Variants in ASTL observed in about 807,000 individuals in gnomAD.
ASTL encodes astacin like metalloendopeptidase.
In ASTL, 27 loss-of-function variants were observed where a neutral mutation model predicts 36.7. The observed-to-expected ratio is 0.73, with a 90% CI of 0.54 to 1.01. The LOEUF is 1.01. Ranked by LOEUF, ASTL falls within the 50% of genes least tolerant of loss-of-function variation. The probability of loss-of-function intolerance (pLI) is 0.00; values close to 1 mark genes in which losing one functional copy is unlikely to be tolerated. For missense variants in ASTL, 524 were observed against 572.8 expected (o/e 0.91, Z 0.87); for synonymous variants, 222 against 228.1 (o/e 0.97, Z 0.24).
At chr2:96,125,782 A>G (rs1206495834) in intron 8 of ASTL, among the ~76,000 whole-genome samples, 3 of 152,144 alleles carry the variant, frequency 2.0e-5, no homozygotes, top group African/African-American at 7.2e-5. Flanking sequence ...GTCTCTACTA[A>G]AAATACAAAA....
rs978059507 is a variant in ASTL, at chr2:96,137,673, G to C, written c.83C>G (p.Ser28Cys). Residue 28 changes from serine (S) to cysteine (C), a missense_variant, in exon 2 of 9, where the codon TCC (serine) becomes TGC (cysteine). By Grantham distance (112) the Ser-to-Cys change is moderately radical. Transcript: ENST00000342380. The stretch of plus-strand genomic sequence containing the variant: ...GGTACCACAGGCTCCTGCGCAGCTG[G>C]AGGCCAGGGGCGCTCCTAGGATCAC... Reference protein sequence around the residue: ...PGVILGAPLASSCAGACGTSF... With the variant: ...PGVILGAPLACSCAGACGTSF... 7 of 1,613,492 alleles carry C rather than the reference G, an allele frequency of 4.3e-6. No individual in the cohort carries two copies. Among genetic ancestry groups the C allele is most frequent in the Middle Eastern group, 1.6e-4 (1 of 6,078 alleles).
At position 96,131,165 on chromosome 2, in the gene ASTL, C is replaced by T. The variant is rs1372195599; in HGVS notation, c.638-1020G>A. Among the ~76,000 whole-genome samples the T allele has an allele frequency of 2.6e-5, 4 of 152,142 alleles. No individual in the cohort carries two copies. The South Asian group carries it at 8.3e-4, about 32-fold the overall frequency. The stretch of plus-strand genomic sequence containing the variant: ...TTTCTGCTTTTACCTTTTGAAATTC[C>T]CTCCTGCTTTCATTTAACTTGGGTT... On this transcript the variant is annotated intron_variant, in intron 6 of 8. Transcript: ENST00000342380.
chr2:96,123,474 G>A lies in ASTL; in HGVS notation c.*376C>T, dbSNP rs1681997686. ...GGTAGGGACACCATTAGTCCATGCT[G>A]GGGGGCAGGGCCTCAGGCACAGGAG... is the stretch of plus-strand genomic sequence containing the variant. On this transcript the variant is annotated 3_prime_UTR_variant, in exon 9 of 9. Transcript: ENST00000342380. 6.6e-6 allele frequency among the ~76,000 whole-genome samples: 1 copy of A among 152,178 alleles called. No individual in the cohort carries two copies. Among genetic ancestry groups the A allele is most frequent in the African/African-American group, 2.4e-5 (1 of 41,434 alleles).
Position 96,124,257 on chromosome 2 carries a change from T to A in ASTL, c.889A>T (p.Ser297Cys), listed in dbSNP as rs1176626886. The A allele has an allele frequency of 1.3e-6, 2 of 1,511,596 alleles. No individual in the cohort carries two copies. Among genetic ancestry groups the A allele is most frequent in the Non-Finnish European group, 1.8e-6 (2 of 1,131,544 alleles). 93.6% of individuals were successfully genotyped at this position (1,511,596 alleles called of 1,614,324 possible). ...GCCGGAGCGGGGCTCCTACCAGTGC[T>A]GTGGGCATGGGACCCTGCAACAGAA... ...RPRGRGSHAHSTGRSPAPASL... is the reference protein window; with the variant it reads ...RPRGRGSHAHCTGRSPAPASL... The change falls in exon 9 of 9, where the codon AGC (serine) becomes TGC (cysteine). Residue 297 changes from serine (S) to cysteine (C), a missense_variant. Physicochemically the swap from Ser to Cys is moderately radical, Grantham distance 112 (BLOSUM62 -1). Transcript: ENST00000342380. This position sits in a 1 kb window ranked among gnomAD's most constrained non-coding sequence, Gnocchi z 4.1.
intron 8 of ASTL, among the ~76,000 whole-genome samples, chr2:96,125,501 C>T (rs563258923): frequency 1.3e-5 from 2 of 152,222 alleles, no homozygotes; most frequent in East Asian, 1.9e-4. Context: ...CCTTTCTCCC[C>T]GCTATATCCA....
Position 96,138,419 on chromosome 2 carries a change from A to G in ASTL, c.18T>C (p.Gly6=), listed in dbSNP as rs1363062795. Residue 6 remains glycine (G), a synonymous_variant, in exon 1 of 9, where the codon GGT becomes GGC. Transcript: ENST00000342380. The part of the protein sequence containing the change: MEGVG[G]LWPWVLGLLS... Reference sequence around the variant, plus strand: ...GCAGACCCAGCACCCAAGGCCAGAGACCCCCTACACCCTCCATGGTAGAGC... The same window carrying G: ...GCAGACCCAGCACCCAAGGCCAGAGGCCCCCTACACCCTCCATGGTAGAGC... 3 of 1,610,152 alleles carry G rather than the reference A, an allele frequency of 1.9e-6. No homozygotes were observed. The South Asian group carries it at 3.3e-5, about 18-fold the overall frequency.
rs1275722272 is a variant in ASTL, at chr2:96,132,852, A to C, written c.456-131T>G. On this transcript the variant is annotated intron_variant, in intron 5 of 8. Transcript: ENST00000342380. The surrounding 1 kb of genome is among the most constrained non-coding windows in gnomAD (Gnocchi z 5.4). The stretch of plus-strand genomic sequence containing the variant: ...ACAGGCAGGCCCCACTCTGGGCTCT[A>C]GTCTCAGGTTCACCATTCTCCAGGC... The C allele has an allele frequency of 6.2e-6, 5 of 801,934 alleles. No individual in the cohort carries two copies. The Admixed American group carries it at 9.0e-5, about 14-fold the overall frequency. The allele number at this position is 801,934 out of a possible 1,614,324, so 49.7% of individuals were successfully genotyped here.
chr2:96,132,796 C>T lies in ASTL; in HGVS notation c.456-75G>A. On this transcript the variant is annotated intron_variant, in intron 5 of 8. Transcript: ENST00000342380. The surrounding 1 kb of genome is among the most constrained non-coding windows in gnomAD (Gnocchi z 5.4). ...GGACATACAGACCTGGGCTCTCCCT[C>T]CCCACACAACACAAGATAGACAAAC... 2 of 1,366,140 alleles carry T rather than the reference C, an allele frequency of 1.5e-6. No individual in the cohort carries two copies. Among genetic ancestry groups the T allele is most frequent in the Non-Finnish European group, 2.0e-6 (2 of 994,984 alleles). 84.6% of individuals were successfully genotyped at this position (1,366,140 alleles called of 1,614,324 possible).
chr2:96,129,782 G>A lies in ASTL; in HGVS notation c.874+42C>T, dbSNP rs778636456. 44 of 1,501,942 alleles carry A rather than the reference G, an allele frequency of 2.9e-5. 1 individual carries two copies. Among genetic ancestry groups the A allele is most frequent in the Admixed American group, 1.8e-4 (8 of 44,574 alleles). 93.0% of individuals were successfully genotyped at this position (1,501,942 alleles called of 1,614,324 possible). ...TCCCTGACACCATTAGAGCACAGGC[G>A]CCTTCTCCAGGTTCAAGTCACCTTC... On this transcript the variant is annotated intron_variant, in intron 8 of 8. Coordinates refer to ENST00000342380, the MANE Select transcript of ASTL (RefSeq NM_001002036.4).
intron 2 of ASTL, among the ~76,000 whole-genome samples, 189 bp downstream of exon 2, chr2:96,137,386 C>T (rs1682323314): frequency 6.6e-6 from 1 of 152,206 alleles, no homozygotes; most frequent in Non-Finnish European, 1.5e-5. Flanking sequence ...AGGAAGATCA[C>T]TTAAGGCCAG....
Position 96,123,393 on chromosome 2 carries a change from G to A in ASTL, c.*457C>T, listed in dbSNP as rs1681996488. Among the ~76,000 whole-genome samples, 1 of 152,224 alleles carries A rather than the reference G, an allele frequency of 6.6e-6. No homozygotes were observed. Among genetic ancestry groups the A allele is most frequent in the Non-Finnish European group, 1.5e-5 (1 of 68,034 alleles). ...ACATTCCCCCACACTTGGGCATGTTGGGTGGGATGGGAGGCTGTTCCCAGG... is the reference window on the plus strand; with the variant it reads ...ACATTCCCCCACACTTGGGCATGTTAGGTGGGATGGGAGGCTGTTCCCAGG... On this transcript the variant is annotated 3_prime_UTR_variant, in exon 9 of 9. Coordinates refer to ENST00000342380, the MANE Select transcript of ASTL (RefSeq NM_001002036.4).
chr2:96,138,539 G>A (rs1682355370), upstream of ASTL: 3 of 988,898 alleles, frequency 3.0e-6, no homozygotes, highest in South Asian at 4.2e-5. Context: ...AATAGCAGCT[G>A]CTCCACCTCC....
At chr2:96,134,203 G>A in intron 3 of ASTL, 145 bp from the exon 4 acceptor site, 1 of 661,936 alleles carries the variant, frequency 1.5e-6, no homozygotes, top group African/African-American at 1.8e-5. Context: ...CATTAGAGAT[G>A]GGACAGAGCT....
intron 6 of ASTL, among the ~76,000 whole-genome samples, chr2:96,130,792 C>T (rs1682162990): frequency 6.6e-6 from 1 of 152,344 alleles, no homozygotes; most frequent in East Asian, 1.9e-4. Context: ...CACCTTCATA[C>T]CCCACCACCT....
At position 96,134,053 on chromosome 2, in the gene ASTL, G is replaced by A. The variant is rs1325269742; in HGVS notation, c.249C>T (p.Pro83=). The A allele has an allele frequency of 1.9e-6, 3 of 1,612,536 alleles. No individual in the cohort carries two copies. The highest frequency in any genetic ancestry group is 3.3e-5 in the Admixed American group (2 of 60,004). Residue 83 remains proline (P), a synonymous_variant, in exon 4 of 9, where the codon CCC becomes CCT. Coordinates refer to ENST00000342380, the MANE Select transcript of ASTL (RefSeq NM_001002036.4). ...TGCTGGTTGCTGACAGCAGTCGGAA[G>A]GGACTCTGAGGAGAGAGCAGCAGTT... is the stretch of plus-strand genomic sequence containing the variant. ...LIEGDIIRPS[P]FRLLSATSNK... is the part of the protein sequence containing the mutation.
chr2:96,138,361 A>AG (rs781440293), intron 1 of ASTL, 21 bp downstream of exon 1: 123 of 1,599,436 alleles, frequency 7.7e-5, no homozygotes, highest in Non-Finnish European at 1.0e-4. Context: ...CAGCAGCAGG[A>AG]GGGACAGGCA....
In ASTL at chr2:96,137,676, G is replaced by T. The variant is rs753476623; in HGVS notation, c.80C>A (p.Ala27Asp). 1.9e-6 allele frequency: 3 copies of T among 1,613,334 alleles called. No individual in the cohort carries two copies. In the South Asian group the frequency reaches 3.3e-5, roughly 18 times the overall value. The stretch of plus-strand genomic sequence containing the variant: ...ACCACAGGCTCCTGCGCAGCTGGAG[G>T]CCAGGGGCGCTCCTAGGATCACACC... Reference protein sequence around the residue: ...LPGVILGAPLASSCAGACGTS... With the variant: ...LPGVILGAPLDSSCAGACGTS... Residue 27 changes from alanine to aspartate, a missense_variant, in exon 2 of 9, where the codon GCC becomes GAC. Coordinates refer to ENST00000342380, the MANE Select transcript of ASTL (RefSeq NM_001002036.4).
At position 96,126,834 on chromosome 2, in the gene ASTL, C is replaced by T. The variant is rs149117837; in HGVS notation, c.875-2563G>A. Among the ~76,000 whole-genome samples the T allele has an allele frequency of 3.9e-4, 59 of 149,580 alleles. No individual in the cohort carries two copies. The East Asian group carries it at 9.4e-3, about 24-fold the overall frequency. The stretch of plus-strand genomic sequence containing the variant: ...TTGCATCATTGCACTCCAGCCTGGG[C>T]GACAGAGTGAGACTCCATCTCAAAA... On this transcript the variant is annotated intron_variant, in intron 8 of 8. Coordinates refer to ENST00000342380, the MANE Select transcript of ASTL (RefSeq NM_001002036.4).
In ASTL at chr2:96,132,583, G is replaced by A; in HGVS notation, c.594C>T (p.Asp198=). The part of the protein sequence containing the change: ...LGFWHEHTRA[D]RDRYIRVNWN... ...AGTTGACACGGATATAGCGGTCCCGGTCGGCCCGCGTGTGCTCGTGCCAGA... is the reference window on the plus strand; with the variant it reads ...AGTTGACACGGATATAGCGGTCCCGATCGGCCCGCGTGTGCTCGTGCCAGA... The change falls in exon 6 of 9, where the codon GAC becomes GAT. Residue 198 remains aspartate (D), a synonymous_variant. Transcript: ENST00000342380. This position sits in a 1 kb window ranked among gnomAD's most constrained non-coding sequence, Gnocchi z 5.4. 1 of 1,611,740 alleles carries A rather than the reference G, an allele frequency of 6.2e-7. No homozygotes were observed. Among genetic ancestry groups the A allele is most frequent in the Non-Finnish European group, 8.5e-7 (1 of 1,178,316 alleles).
Sources: gnomAD v4.1 joint callset for allele counts (sites outside exome capture counted in the v4.1 genomes callset) on GRCh38, gnomAD v4.1.1 for gene constraint, Gnocchi (gnomAD v3.1) non-coding constraint, MANE v1.5 for transcripts, NCBI Gene and HGNC (gene_info 2026-07-23, HGNC 2026-07-21) for gene names.